The following PSEN1 variants were observed in gnomAD, a reference collection of about 807,000 sequenced individuals.
PSEN1 encodes the protein presenilin-1.
PSEN1 carries 15 observed loss-of-function variants against 53.5 expected under a neutral mutation model. That is an observed-to-expected ratio of 0.28 (90% confidence interval 0.19 to 0.43). PSEN1 has a LOEUF of 0.43. Among genes scored for constraint, PSEN1 ranks in the 20% least tolerant of loss-of-function variants. PSEN1 has a pLI of 1.00. For synonymous variants in PSEN1, 208 were observed against 209.8 expected, an observed-to-expected ratio of 0.99 and a Z score of 0.08; for missense variants, 387 against 571.2, an observed-to-expected ratio of 0.68 and a Z score of 3.29.
chr14:73,185,839 G>A (rs1022322465), intron 5 of PSEN1, among the ~76,000 whole-genome samples: 4 of 152,196 alleles, frequency 2.6e-5, no homozygotes, highest in African/African-American at 9.6e-5. Flanking sequence ...ATGAGTCACT[G>A]CGCCCGATCT....
rs63751174 is a variant in PSEN1, at chr14:73,211,886, G to A, written c.1073G>A (p.Arg358Gln). The A allele has an allele frequency of 2.4e-5, 39 of 1,613,828 alleles. No homozygotes were observed. Among genetic ancestry groups the A allele is most frequent in the Admixed American group, 2.0e-4 (12 of 59,978 alleles). The change falls in exon 10 of 12, where the codon CGA becomes CAA. Residue 358 changes from arginine to glutamine, a missense_variant. Arg to Gln is a conservative substitution (Grantham distance 43). Transcript: ENST00000324501. The stretch of plus-strand genomic sequence containing the variant: ...CCTCATCGCTCTACACCTGAGTCAC[G>A]AGCTGCTGTCCAGGAACTTTCCAGC... ...LGPHRSTPES[R>Q]AAVQELSSSI...
At chr14:73,162,595 G>A (rs1267112953) in intron 3 of PSEN1, among the ~76,000 whole-genome samples, 1 of 151,884 alleles carries the variant, frequency 6.6e-6, no homozygotes, top group Non-Finnish European at 1.5e-5. Flanking sequence ...GGAGGTCAAC[G>A]CTGTGGTAAG....
Position 73,158,282 on chromosome 14 carries a change from TTCTATCTATCTATCTA to T in PSEN1, c.87+10214_87+10229del, listed in dbSNP as rs56240305. On this transcript the variant is annotated intron_variant, in intron 3 of 11. Transcript: ENST00000324501. ...TGGTAGGTGTATATTTAACTTTTTT[TTCTATCTATCTATCTA>T]TCTATCTATCTATCTATCTATCTAT... 1.8e-3 allele frequency among the ~76,000 whole-genome samples: 249 copies of T among 141,572 alleles called. 1 individual carries two copies. Among genetic ancestry groups the T allele is most frequent in the Non-Finnish European group, 2.2e-3 (145 of 65,214 alleles). The allele number at this position is 141,572 out of a possible 152,430, so 92.9% of individuals were successfully genotyped here.
chr14:73,191,692 A>G (rs1445015689), intron 6 of PSEN1, among the ~76,000 whole-genome samples: 1 of 152,048 alleles, frequency 6.6e-6, no homozygotes, highest in Non-Finnish European at 1.5e-5. Flanking sequence ...GACTGCAGGC[A>G]TGTGCCATCA....
intron 1 of PSEN1, among the ~76,000 whole-genome samples, chr14:73,144,659 A>T (rs1437467366): frequency 6.6e-6 from 1 of 152,142 alleles, no homozygotes; most frequent in African/African-American, 2.4e-5. Context: ...CTGTAAAAGG[A>T]TAAAGGGAAT....
rs1442420590 is a variant in PSEN1 at position 73,184,417 on chromosome 14, G to A, written c.481-2436G>A. On this transcript the variant is annotated intron_variant, in intron 5 of 11. Coordinates refer to ENST00000324501, the MANE Select transcript of PSEN1 (RefSeq NM_000021.4). ...TGACCCCCCCACCTCCCTCTCCGAC[G>A]GGGCGGCTGGCCTGGCAGAGGGGCT... is the stretch of plus-strand genomic sequence containing the variant. Among the ~76,000 whole-genome samples the A allele has an allele frequency of 4.3e-4, 39 of 90,604 alleles. 1 individual carries two copies. The highest frequency in any genetic ancestry group is 1.2e-3 in the Admixed American group (9 of 7,226). 59.4% of individuals were successfully genotyped at this position (90,604 alleles called of 152,430 possible).
intron 8 of PSEN1, among the ~76,000 whole-genome samples, chr14:73,198,859 G>A (rs116061552): frequency 0.016 from 2,439 of 152,064 alleles, 48 homozygotes; most frequent in East Asian, 0.047. Context: ...CTGCAGCCTC[G>A]ACCTCCCAGG....
intron 6 of PSEN1, among the ~76,000 whole-genome samples, chr14:73,187,352 A>C (rs1223393924): frequency 2.6e-5 from 4 of 152,248 alleles, no homozygotes; most frequent in African/African-American, 9.6e-5. Flanking sequence ...AAGTGGATCT[A>C]GTCTGTCAAA....
intron 1 of PSEN1, among the ~76,000 whole-genome samples, chr14:73,138,899 G>A (rs1472688426): frequency 1.5e-4 from 23 of 151,410 alleles, no homozygotes; most frequent in Admixed American, 5.3e-4. Context: ...CCCGGGAGGC[G>A]GAGCTTGCAG....
At chr14:73,178,975 T>G (rs181509052) in intron 5 of PSEN1, among the ~76,000 whole-genome samples, 1 of 152,164 alleles carries the variant, frequency 6.6e-6, no homozygotes, top group Non-Finnish European at 1.5e-5. Context: ...GTGTGTACTG[T>G]TGAGGATCAT....
At chr14:73,181,794 G>C (rs571652765) in intron 5 of PSEN1, among the ~76,000 whole-genome samples, 1 of 151,890 alleles carries the variant, frequency 6.6e-6, no homozygotes, top group East Asian at 1.9e-4. Context: ...TTTTTTTTGA[G>C]ACAATGTCTC....
intron 4 of PSEN1, among the ~76,000 whole-genome samples, 165 bp from the exon 5 acceptor site, chr14:73,173,400 GT>G (rs1410524540): frequency 6.6e-6 from 1 of 152,190 alleles, no homozygotes; most frequent in Non-Finnish European, 1.5e-5. Flanking sequence ...GAGTGTAGCT[GT>G]TTTTCTCAGG....
intron 9 of PSEN1, chr14:73,209,039 C>T: frequency 3.0e-6 from 1 of 335,474 alleles, no homozygotes; most frequent in Non-Finnish European, 5.9e-6. Context: ...CACACCCGGC[C>T]AGGTCATGAC....
intron 5 of PSEN1, among the ~76,000 whole-genome samples, chr14:73,176,259 C>G (rs981359479): frequency 6.6e-6 from 1 of 152,262 alleles, no homozygotes; most frequent in Non-Finnish European, 1.5e-5. Context: ...TCACCTCCCC[C>G]ACTTTAAAAA....
chr14:73,146,093 A>AAGTC (rs1469074902), intron 1 of PSEN1: 2 of 152,172 alleles, frequency 1.3e-5, no homozygotes, highest in East Asian at 3.9e-4. Flanking sequence ...GTGACAGAGC[A>AAGTC]AGACTGTGTC....
chr14:73,157,750 A>G (rs1225093252), intron 3 of PSEN1, among the ~76,000 whole-genome samples: 2 of 151,594 alleles, frequency 1.3e-5, no homozygotes, highest in Non-Finnish European at 2.9e-5. Flanking sequence ...CATGCCTGTA[A>G]TCCCAGCACT....
intron 3 of PSEN1, among the ~76,000 whole-genome samples, chr14:73,149,491 G>A (rs748310681): frequency 1.6e-4 from 25 of 152,168 alleles, no homozygotes; most frequent in Non-Finnish European, 3.2e-4. Context: ...GAATGGCGTG[G>A]AACTTCCTTT....
At chr14:73,202,426 ATAT>A (rs1424802924) in intron 8 of PSEN1, among the ~76,000 whole-genome samples, 2 of 9,194 alleles carry the variant, frequency 2.2e-4, no homozygotes, top group Admixed American at 1.5e-3. Flanking sequence ...TACTATATAT[ATAT>A]ATATATATAT....
intron 3 of PSEN1, among the ~76,000 whole-genome samples, chr14:73,158,286 A>G (rs955346952): frequency 1.3e-3 from 128 of 95,588 alleles, no homozygotes; most frequent in African/African-American, 5.2e-3. Flanking sequence ...TTTTTTTTCT[A>G]TCTATCTATC....
Sources: gnomAD v4.1 joint callset for allele counts (sites outside exome capture counted in the v4.1 genomes callset) on GRCh38, gnomAD v4.1.1 for gene constraint, MANE v1.5 for transcripts, NCBI Gene and HGNC (gene_info 2026-07-23, HGNC 2026-07-21) for gene names.